NRG3: variants seen among roughly 807,000 people sequenced by gnomAD.
The protein encoded by NRG3 is pro-neuregulin-3, membrane-bound isoform.
Under a neutral mutation model 66.9 loss-of-function variants are expected in NRG3, and 31 were observed. The ratio of observed to expected loss-of-function variants is 0.46; its 90% CI spans 0.35 to 0.63. The LOEUF (loss-of-function observed/expected upper bound fraction) is 0.63. NRG3 is among the 20% of genes least tolerant of loss of function. NRG3 has a pLI of 0.00. For synonymous variants in NRG3, 393 were observed against 359.4 expected (o/e 1.09, Z -1.06); for missense variants, 910 against 878.9 (o/e 1.04, Z -0.45).
At chr10:82,412,792 A>G (rs958800847) in intron 2 of NRG3, among the ~76,000 whole-genome samples, 4 of 152,212 alleles carry the variant, frequency 2.6e-5, no homozygotes, top group Admixed American at 1.3e-4. Flanking sequence ...TGTCACTTCA[A>G]CAATGTTCAC....
Position 82,860,478 on chromosome 10 carries a change from T to A in NRG3, c.1028-4933T>A, listed in dbSNP as rs547247037. ...AAGAGCCAAGCCGGCCTAGGCTCCATCATGTTCCCAGCACTTATGGGCAAT... is the reference window on the plus strand; with the variant it reads ...AAGAGCCAAGCCGGCCTAGGCTCCAACATGTTCCCAGCACTTATGGGCAAT... On this transcript the variant is annotated intron_variant, in intron 3 of 8. Transcript: ENST00000372141. 6.8e-4 allele frequency among the ~76,000 whole-genome samples: 104 copies of A among 152,318 alleles called. 2 individuals carry two copies. The highest frequency in any genetic ancestry group is 1.9e-3 in the South Asian group (9 of 4,828).
At chr10:82,729,702 A>G (rs1469568978) in intron 2 of NRG3, among the ~76,000 whole-genome samples, 2 of 152,206 alleles carry the variant, frequency 1.3e-5, no homozygotes, top group African/African-American at 4.8e-5. Flanking sequence ...TGATTCTCCA[A>G]GAACAAATGT....
chr10:82,941,934 G>T (rs920748284), intron 4 of NRG3, among the ~76,000 whole-genome samples: 8 of 151,938 alleles, frequency 5.3e-5, no homozygotes, highest in African/African-American at 1.9e-4. Context: ...GATCTGATTT[G>T]CATATCTTGA....
At chr10:82,101,861 T>C (rs562872787) in intron 1 of NRG3, among the ~76,000 whole-genome samples, 211 of 151,156 alleles carry the variant, frequency 1.4e-3, no homozygotes, top group African/African-American at 4.9e-3. Flanking sequence ...AAGTCTCCCA[T>C]ATTGTTGCTG....
chr10:82,509,143 T>G (rs1291952220), intron 2 of NRG3, among the ~76,000 whole-genome samples: 1 of 152,128 alleles, frequency 6.6e-6, no homozygotes, highest in East Asian at 1.9e-4. Flanking sequence ...CCCTCCTCTG[T>G]CTTCTGTCTT....
intron 1 of NRG3, among the ~76,000 whole-genome samples, chr10:81,993,046 C>T (rs1315482146): frequency 6.6e-6 from 1 of 152,102 alleles, no homozygotes; most frequent in Non-Finnish European, 1.5e-5. Flanking sequence ...TGGGAAATGT[C>T]ATGTTACTAT....
chr10:82,742,847 T>A (rs1389418046), intron 3 of NRG3, among the ~76,000 whole-genome samples: 1 of 152,088 alleles, frequency 6.6e-6, no homozygotes, highest in Non-Finnish European at 1.5e-5. Context: ...TGAAGCACAG[T>A]TAGATGGAGC....
chr10:82,241,701 T>C (rs1331749743), intron 1 of NRG3, among the ~76,000 whole-genome samples: 1 of 152,198 alleles, frequency 6.6e-6, no homozygotes, highest in Non-Finnish European at 1.5e-5. Context: ...TATGTCAGTG[T>C]CAAACTAATC....
chr10:82,917,041 T>C (rs1845905273), intron 4 of NRG3, among the ~76,000 whole-genome samples: 1 of 152,178 alleles, frequency 6.6e-6, no homozygotes, highest in South Asian at 2.1e-4. Flanking sequence ...ATTGGGAAAG[T>C]TTCCATTTCT....
In NRG3 at chr10:82,978,867, C is replaced by T. The variant is rs1852563633; in HGVS notation, c.1413-83C>T. ...ATTTGGGGTGCAGATTCAGTGTTTG[C>T]AAAGCTTGAGCAGCCACCTGTGAGG... On this transcript the variant is annotated intron_variant, in intron 7 of 8. Coordinates refer to ENST00000372141, the MANE Select transcript of NRG3 (RefSeq NM_001010848.4). The T allele has an allele frequency of 4.2e-6, 6 of 1,427,602 alleles. No individual in the cohort carries two copies. The Middle Eastern group carries it at 9.4e-4, about 223-fold the overall frequency. 88.4% of individuals were successfully genotyped at this position (1,427,602 alleles called of 1,614,324 possible). A position where few individuals can be genotyped will look rare whatever the true frequency, so the allele number is the denominator to read the frequency against.
rs1481880766 is a variant in NRG3 at position 82,276,759 on chromosome 10, A to G, written c.824-81980A>G. ...GTGGTCTTATGTGGGACCATTCAGG[A>G]CAAAAAATGACATACTGATCTTTAT... On this transcript the variant is annotated intron_variant, in intron 1 of 8. Transcript: ENST00000372141. Among the ~76,000 whole-genome samples the G allele has an allele frequency of 5.3e-5, 8 of 152,128 alleles. 1 individual carries two copies. In the East Asian group the frequency reaches 1.5e-3, roughly 29 times the overall value.
In NRG3 at chr10:82,855,075, C is replaced by T. The variant is rs536059868; in HGVS notation, c.1028-10336C>T. Among the ~76,000 whole-genome samples, 7 of 152,134 alleles carry T rather than the reference C, an allele frequency of 4.6e-5. No homozygotes were observed. The East Asian group carries it at 5.8e-4, about 13-fold the overall frequency. ...TCATGTCACAAGGTGTTATCCATGA[C>T]GGGAAGTGGGGGTGAGTTGTCTTTG... On this transcript the variant is annotated intron_variant, in intron 3 of 8. Coordinates refer to ENST00000372141, the MANE Select transcript of NRG3 (RefSeq NM_001010848.4).
At chr10:82,382,445 AATG>A (rs2085675477) in intron 2 of NRG3, among the ~76,000 whole-genome samples, 1 of 151,970 alleles carries the variant, frequency 6.6e-6, no homozygotes, top group Non-Finnish European at 1.5e-5. Flanking sequence ...TGTGTTTTAT[AATG>A]ATAAAGGAAA....
chr10:82,533,092 CT>C lies in NRG3; in HGVS notation c.953+174236del, dbSNP rs1199610478. ...ATATACCTGTTGGCTATTTGTATAT[CT>C]TTTTTTTTTTTCGAGAAATGTATAT... On this transcript the variant is annotated intron_variant, in intron 2 of 8. Coordinates refer to ENST00000372141, the MANE Select transcript of NRG3 (RefSeq NM_001010848.4). Among the ~76,000 whole-genome samples, 1,084 of 139,304 alleles carry C rather than the reference CT, an allele frequency of 7.8e-3. 7 individuals are homozygous for C. Among genetic ancestry groups the C allele is most frequent in the Non-Finnish European group, 0.012 (762 of 63,524 alleles). 91.4% of individuals were successfully genotyped at this position (139,304 alleles called of 152,430 possible).
At chr10:82,590,337 T>G (rs2046910336) in intron 2 of NRG3, among the ~76,000 whole-genome samples, 1 of 152,152 alleles carries the variant, frequency 6.6e-6, no homozygotes, top group African/African-American at 2.4e-5. Flanking sequence ...GCCCCTAGGG[T>G]AATTTATTAT....
intron 2 of NRG3, among the ~76,000 whole-genome samples, chr10:82,463,565 G>A (rs1322844449): frequency 1.3e-5 from 2 of 152,218 alleles, no homozygotes; most frequent in Non-Finnish European, 2.9e-5. Context: ...TGACCATTTA[G>A]TACTGTTGTG....
At chr10:81,879,128 A>G (rs1841957501) in intron 1 of NRG3, among the ~76,000 whole-genome samples, 1 of 152,208 alleles carries the variant, frequency 6.6e-6, no homozygotes, top group Non-Finnish European at 1.5e-5. Flanking sequence ...TTAGGCCGTG[A>G]GCTGGACCAA....
intron 1 of NRG3, among the ~76,000 whole-genome samples, chr10:82,007,852 CA>C (rs1443606156): frequency 6.6e-6 from 1 of 152,164 alleles, no homozygotes; most frequent in Non-Finnish European, 1.5e-5. Flanking sequence ...TGACATCTAA[CA>C]ATGGGAACCA....
rs185947936 is a variant in NRG3, at chr10:82,369,093, C to G, written c.953+10225C>G. On this transcript the variant is annotated intron_variant, in intron 2 of 8. Coordinates refer to ENST00000372141, the MANE Select transcript of NRG3 (RefSeq NM_001010848.4). ...TCTTTCCAAATCACTTTTGTCTGAT[C>G]ATCATTTACAAACATAAAAGATGGC... 1.2e-4 allele frequency among the ~76,000 whole-genome samples: 16 copies of G among 138,346 alleles called. 4 individuals carry two copies. The East Asian group carries it at 3.2e-3, about 28-fold the overall frequency. 90.8% of individuals were successfully genotyped at this position (138,346 alleles called of 152,430 possible). A position where few individuals can be genotyped will look rare whatever the true frequency, so the allele number is the denominator to read the frequency against.
Sources: allele counts gnomAD v4.1 joint callset (sites outside exome capture counted in the v4.1 genomes callset), GRCh38; gene constraint gnomAD v4.1.1; transcripts MANE v1.5; gene names NCBI Gene and HGNC (gene_info 2026-07-23, HGNC 2026-07-21).